HNRNPC: variants seen among roughly 807,000 people sequenced by gnomAD.
HNRNPC encodes heterogeneous nuclear ribonucleoprotein C.
HNRNPC carries 3 observed loss-of-function variants against 33.2 expected under a neutral mutation model. That is an observed-to-expected ratio of 0.09 (90% CI 0.04 to 0.23). HNRNPC has a LOEUF of 0.23. Among genes scored for constraint, HNRNPC ranks in the 10% least tolerant of loss-of-function variants. The pLI is 1.00. For missense variants in HNRNPC, 143 were observed against 366.7 expected, an observed-to-expected ratio of 0.39 and a Z score of 4.98; for synonymous variants, 121 against 126.7, an observed-to-expected ratio of 0.96 and a Z score of 0.30.
chr14:21,239,316 AAAATATGAAAAT>A, intron 2 of HNRNPC, among the ~76,000 whole-genome samples: 2 of 151,154 alleles, frequency 1.3e-5, no homozygotes. Context: ...ATCTGTACTA[AAAATATGAAAAT>A]AATTAGCGGG....
intron 5 of HNRNPC, among the ~76,000 whole-genome samples, chr14:21,219,925 C>T (rs1252653801): frequency 6.6e-6 from 1 of 152,202 alleles, no homozygotes; most frequent in Non-Finnish European, 1.5e-5. Context: ...ACGCTGGCCA[C>T]ATCTGATTCC....
intron 6 of HNRNPC, 143 bp from the exon 7 acceptor site, chr14:21,212,066 G>A (rs1891664862): frequency 6.1e-6 from 4 of 650,632 alleles, no homozygotes; most frequent in Non-Finnish European, 1.1e-5. Context: ...CGGTAATAAA[G>A]GCCCTTGGTT....
In HNRNPC at chr14:21,210,262, A is replaced by G. The variant is rs1343709524; in HGVS notation, c.*961T>C. ...AAACACAAACCTCAGAAAGGGTGCC[A>G]GCTGGACCACAAAGCACTGATGAAA... On this transcript the variant is annotated 3_prime_UTR_variant, in exon 9 of 9. Transcript: ENST00000553300. The G allele has an allele frequency of 3.3e-5, 5 of 152,244 alleles. No individual in the cohort carries two copies. The highest frequency in any genetic ancestry group is 3.3e-4 in the Admixed American group (5 of 15,286). 9.4% of individuals were successfully genotyped at this position (152,244 alleles called of 1,614,324 possible).
In HNRNPC at chr14:21,210,904, T is replaced by C; in HGVS notation, c.*319A>G. The C allele has an allele frequency of 2.9e-6, 1 of 350,466 alleles. No homozygotes were observed. Among genetic ancestry groups the C allele is most frequent in the Non-Finnish European group, 5.3e-6 (1 of 189,344 alleles). The allele number at this position is 350,466 out of a possible 1,614,324, so 21.7% of individuals were successfully genotyped here. A position where few individuals can be genotyped will look rare whatever the true frequency, so the allele number is the denominator to read the frequency against. ...TATGAATGAAAAGAACTGTACTCCCTGCATAACAAGAGATTATTTTGGAGA... is the reference window on the plus strand; with the variant it reads ...TATGAATGAAAAGAACTGTACTCCCCGCATAACAAGAGATTATTTTGGAGA... On this transcript the variant is annotated 3_prime_UTR_variant, in exon 9 of 9. Transcript: ENST00000553300.
chr14:21,245,404 G>C (rs913298725), intron 2 of HNRNPC, among the ~76,000 whole-genome samples: 1 of 152,066 alleles, frequency 6.6e-6, no homozygotes, highest in South Asian at 2.1e-4. Flanking sequence ...GCGGAGGCAG[G>C]AGAAATCGCT....
chr14:21,225,436 A>T (rs1358901439), intron 5 of HNRNPC, among the ~76,000 whole-genome samples: 2 of 146,070 alleles, frequency 1.4e-5, no homozygotes, highest in African/African-American at 4.9e-5. Flanking sequence ...TGTCTCAAAA[A>T]AAGGAAAAAA....
At chr14:21,229,166 G>A (rs748409121) in intron 5 of HNRNPC, among the ~76,000 whole-genome samples, 5 of 151,428 alleles carry the variant, frequency 3.3e-5, no homozygotes, top group Non-Finnish European at 5.9e-5. Flanking sequence ...CAAGACGGAC[G>A]GATCATGAGG....
chr14:21,225,358 G>A (rs981894469), intron 5 of HNRNPC, among the ~76,000 whole-genome samples: 7 of 151,956 alleles, frequency 4.6e-5, no homozygotes, highest in African/African-American at 1.7e-4. Flanking sequence ...CTTGAACCTG[G>A]GAGGTGGAGG....
chr14:21,246,790 C>A (rs955088665), intron 2 of HNRNPC, among the ~76,000 whole-genome samples: 2 of 152,124 alleles, frequency 1.3e-5, no homozygotes, highest in African/African-American at 4.8e-5. Flanking sequence ...GCCTAAACCA[C>A]CCAAGACAGT....
At chr14:21,239,661 G>C (rs1156790435) in intron 2 of HNRNPC, among the ~76,000 whole-genome samples, 1 of 152,092 alleles carries the variant, frequency 6.6e-6, no homozygotes, top group Admixed American at 6.6e-5. Context: ...ATCACCTGAG[G>C]ACAGGAGTTC....
intron 5 of HNRNPC, among the ~76,000 whole-genome samples, chr14:21,222,164 A>C (rs1892898943): frequency 6.6e-6 from 1 of 152,194 alleles, no homozygotes; most frequent in African/African-American, 2.4e-5. Context: ...TAGAATGGAT[A>C]AAAGCAAAAG....
rs908041209 is a variant in HNRNPC, at chr14:21,258,130, C to T, written c.-37+5181G>A. ...ATGCTCAGCCGGACACAGTGGCTCA[C>T]GCCTGTAATCCCAGCACTTTGGGAA... On this transcript the variant is annotated intron_variant, in intron 2 of 8. Coordinates refer to ENST00000553300, the MANE Select transcript of HNRNPC (RefSeq NM_004500.4). Among the ~76,000 whole-genome samples, 12 of 152,228 alleles carry T rather than the reference C, an allele frequency of 7.9e-5. No individual in the cohort carries two copies. In the East Asian group the frequency reaches 2.3e-3, roughly 29 times the overall value.
chr14:21,221,025 T>C (rs1186595610), intron 5 of HNRNPC, among the ~76,000 whole-genome samples: 1 of 151,960 alleles, frequency 6.6e-6, no homozygotes. Flanking sequence ...AGGCAAAAGG[T>C]GCAGTGAGCT....
intron 5 of HNRNPC, among the ~76,000 whole-genome samples, chr14:21,228,153 C>T (rs1420110324): frequency 6.6e-6 from 1 of 152,214 alleles, no homozygotes; most frequent in Non-Finnish European, 1.5e-5. Context: ...GCAGATGCTT[C>T]AGACAAACTC....
chr14:21,216,252 G>T (rs967324045), intron 5 of HNRNPC, among the ~76,000 whole-genome samples: 1 of 152,046 alleles, frequency 6.6e-6, no homozygotes, highest in African/African-American at 2.4e-5. Context: ...TAAGACATTA[G>T]CTGCAAACAG....
At chr14:21,264,598 T>G (rs560143495) in intron 1 of HNRNPC, 20 of 152,350 alleles carry the variant, frequency 1.3e-4, no homozygotes, top group African/African-American at 4.8e-4. Context: ...ATAATTTCCA[T>G]GACAAACTGG....
chr14:21,261,029 C>T (rs981041343), intron 2 of HNRNPC, among the ~76,000 whole-genome samples: 4 of 150,792 alleles, frequency 2.7e-5, no homozygotes, highest in Non-Finnish European at 5.9e-5. Context: ...TGGATAATCA[C>T]ATCACACACT....
chr14:21,241,011 C>T (rs932635363), intron 2 of HNRNPC, among the ~76,000 whole-genome samples: 6 of 152,150 alleles, frequency 3.9e-5, no homozygotes, highest in African/African-American at 1.4e-4. Flanking sequence ...AGGCTCACGC[C>T]TGTAATCCCA....
intron 5 of HNRNPC, among the ~76,000 whole-genome samples, chr14:21,215,066 G>T (rs2139472435): frequency 6.6e-6 from 1 of 152,298 alleles, no homozygotes; most frequent in Middle Eastern, 3.4e-3. Context: ...CCAAAATAAA[G>T]CAAGTAATAC....
Sources: allele counts gnomAD v4.1 joint callset (sites outside exome capture counted in the v4.1 genomes callset), GRCh38; gene constraint gnomAD v4.1.1; transcripts MANE v1.5; gene names NCBI Gene and HGNC (gene_info 2026-07-23, HGNC 2026-07-21).